The following MFAP3L variants were observed in gnomAD, a reference collection of about 807,000 sequenced individuals.
The protein encoded by MFAP3L is microfibrillar-associated protein 3-like.
In MFAP3L, 5 loss-of-function variants were observed where a neutral mutation model predicts 20.0. The ratio of observed to expected loss-of-function variants is 0.25; its 90% confidence interval spans 0.13 to 0.53. The LOEUF is 0.53. MFAP3L is among the 20% of genes least tolerant of loss of function. The pLI is 0.96. For synonymous variants in MFAP3L, 219 were observed against 213.0 expected, an observed-to-expected ratio of 1.03 and a Z score of -0.25; for missense variants, 409 against 527.5, an observed-to-expected ratio of 0.78 and a Z score of 2.20.
At chr4:170,001,837 G>T in intron 2 of MFAP3L, 1 of 785,386 alleles carries the variant, frequency 1.3e-6, no homozygotes. Context: ...AGCCTCTCCT[G>T]ATCCTGTGGA....
chr4:170,022,077 G>C (rs537422425), intron 1 of MFAP3L, among the ~76,000 whole-genome samples: 1 of 152,316 alleles, frequency 6.6e-6, no homozygotes, highest in East Asian at 1.9e-4. Context: ...CAGAACAGCT[G>C]ATTACTGTTA....
At chr4:170,021,168 A>C (rs1740012254) in intron 1 of MFAP3L, among the ~76,000 whole-genome samples, 1 of 152,338 alleles carries the variant, frequency 6.6e-6, no homozygotes, top group East Asian at 1.9e-4. Context: ...ACAGTATTCC[A>C]AAGGCCACAG....
At chr4:170,006,078 C>G in intron 1 of MFAP3L, 68 bp from the exon 2 acceptor site, 1 of 1,224,688 alleles carries the variant, frequency 8.2e-7, no homozygotes, top group South Asian at 2.0e-5. Context: ...ACACTATAAA[C>G]GGTTAGCAAT....
At chr4:169,994,483 T>C (rs1402061937) in intron 2 of MFAP3L, 2 of 979,104 alleles carry the variant, frequency 2.0e-6, no homozygotes, top group African/African-American at 3.5e-5. Context: ...AAAAATAAAA[T>C]GTGAAAATAC....
intron 1 of MFAP3L, among the ~76,000 whole-genome samples, chr4:170,023,667 G>A (rs1414360171): frequency 6.6e-6 from 1 of 152,218 alleles, no homozygotes; most frequent in Non-Finnish European, 1.5e-5. Context: ...TGCTGGGTTA[G>A]ATGCCAACTT....
At chr4:170,004,251 T>C (rs1738884696) in intron 2 of MFAP3L, among the ~76,000 whole-genome samples, 1 of 150,066 alleles carries the variant, frequency 6.7e-6, no homozygotes, top group Admixed American at 6.6e-5. Flanking sequence ...TCATAGCCAC[T>C]TAATAATAGC....
intron 2 of MFAP3L, chr4:169,993,478 T>C (rs563455034): frequency 2.0e-5 from 3 of 152,364 alleles, no homozygotes; most frequent in African/African-American, 7.2e-5. Flanking sequence ...GTAGTGAGTT[T>C]TAATTCTAAT....
At chr4:170,002,340 A>G (rs1350166693) in intron 2 of MFAP3L, 2 of 730,874 alleles carry the variant, frequency 2.7e-6, no homozygotes, top group Non-Finnish European at 3.3e-6. Context: ...ATGAGGATTA[A>G]TAACACTTCA....
At chr4:169,999,032 C>T (rs1230359856) in intron 2 of MFAP3L, among the ~76,000 whole-genome samples, 1 of 152,212 alleles carries the variant, frequency 6.6e-6, no homozygotes, top group Non-Finnish European at 1.5e-5. Flanking sequence ...AGGATTCATG[C>T]CTTTTTACCA....
intron 2 of MFAP3L, among the ~76,000 whole-genome samples, chr4:170,000,799 T>C (rs1738558376): frequency 6.6e-6 from 1 of 152,190 alleles, no homozygotes; most frequent in Non-Finnish European, 1.5e-5. Context: ...CAAGGCTCAC[T>C]GCAGCCTCAA....
rs1737629951 is a variant in MFAP3L at position 169,991,131 on chromosome 4, C to T, written c.*247G>A. 1.9e-6 allele frequency: 1 copy of T among 531,012 alleles called. No individual in the cohort carries two copies. The highest frequency in any genetic ancestry group is 3.6e-5 in the Admixed American group (1 of 27,876). 32.9% of individuals were successfully genotyped at this position (531,012 alleles called of 1,614,324 possible). A position where few individuals can be genotyped will look rare whatever the true frequency, so the allele number is the denominator to read the frequency against. ...ATTTGGCAGAGATCAGCCTCTGAAA[C>T]TCATTATCACATAGACACCTTCTGT... On this transcript the variant is annotated 3_prime_UTR_variant, in exon 3 of 3. Coordinates refer to ENST00000361618, the MANE Select transcript of MFAP3L (RefSeq NM_021647.8). This position sits in a 1 kb window ranked among gnomAD's most constrained non-coding sequence, Gnocchi z 4.9.
chr4:170,018,999 C>T (rs1046326316), intron 1 of MFAP3L, among the ~76,000 whole-genome samples: 6 of 152,224 alleles, frequency 3.9e-5, no homozygotes, highest in African/African-American at 1.2e-4. Context: ...ATGCTATCCA[C>T]AGCCATCCTG....
intron 1 of MFAP3L, among the ~76,000 whole-genome samples, chr4:170,009,139 C>T (rs1262443985): frequency 6.6e-6 from 1 of 152,128 alleles, no homozygotes; most frequent in Non-Finnish European, 1.5e-5. Flanking sequence ...AATCCTAGCA[C>T]TTTGGGAGGC....
rs145930569 is a variant in MFAP3L, at chr4:170,007,984, C to T, written c.-133-1974G>A. On this transcript the variant is annotated intron_variant, in intron 1 of 2. Transcript: ENST00000361618. ...AATTTTAAAGTGTGTATCTCAAGAG[C>T]TGTTTTCAAACAGAGGCTCTCCACA... 2.0e-5 allele frequency among the ~76,000 whole-genome samples: 3 copies of T among 152,264 alleles called. No homozygotes were observed. In the East Asian group the frequency reaches 5.8e-4, roughly 29 times the overall value.
chr4:170,007,909 T>C (rs1739148023), intron 1 of MFAP3L, among the ~76,000 whole-genome samples: 1 of 152,128 alleles, frequency 6.6e-6, no homozygotes, highest in Non-Finnish European at 1.5e-5. Flanking sequence ...GTGGTAAATA[T>C]AACTTTTCCC....
chr4:169,999,597 C>T (rs1485328122), intron 2 of MFAP3L, among the ~76,000 whole-genome samples: 3 of 152,152 alleles, frequency 2.0e-5, no homozygotes, highest in African/African-American at 4.8e-5. Flanking sequence ...TAATCACTTC[C>T]ATTTTGGGAA....
At chr4:170,002,324 G>A (rs1436484324) in intron 2 of MFAP3L, 4 of 842,048 alleles carry the variant, frequency 4.8e-6, no homozygotes, top group Non-Finnish European at 5.7e-6. Flanking sequence ...TTTCTCATCT[G>A]TATACATGAG....
At chr4:169,999,333 T>C (rs1738446574) in intron 2 of MFAP3L, among the ~76,000 whole-genome samples, 1 of 152,222 alleles carries the variant, frequency 6.6e-6, no homozygotes, top group South Asian at 2.1e-4. Flanking sequence ...AGGATTTTGC[T>C]GTTCAGAATC....
At chr4:170,017,888 A>T (rs1323735664) in intron 1 of MFAP3L, among the ~76,000 whole-genome samples, 1 of 152,152 alleles carries the variant, frequency 6.6e-6, no homozygotes, top group Non-Finnish European at 1.5e-5. Context: ...TTTCCAGGTG[A>T]TCTCTCCCAT....
Sources: gnomAD v4.1 joint callset for allele counts (sites outside exome capture counted in the v4.1 genomes callset) on GRCh38, gnomAD v4.1.1 for gene constraint, Gnocchi (gnomAD v3.1) non-coding constraint, MANE v1.5 for transcripts, NCBI Gene and HGNC (gene_info 2026-07-23, HGNC 2026-07-21) for gene names.